Variants in AK7 observed in about 807,000 individuals in gnomAD.
AK7 encodes the protein adenylate kinase 7.
Under a neutral mutation model 96.6 loss-of-function variants are expected in AK7, and 78 were observed. The observed-to-expected ratio is 0.81, with a 90% CI of 0.67 to 0.97. The LOEUF is 0.97. Ranked by LOEUF, AK7 falls within the 50% of genes least tolerant of loss-of-function variation. The pLI, the probability that AK7 is intolerant of heterozygous loss-of-function variation, is 0.00. For missense variants in AK7, 855 were observed against 887.9 expected, an observed-to-expected ratio of 0.96 and a Z score of 0.47; for synonymous variants, 302 against 317.2, an observed-to-expected ratio of 0.95 and a Z score of 0.51.
chr14:96,489,222 A>G lies in AK7; in HGVS notation c.*879A>G, dbSNP rs930219580. On this transcript the variant is annotated 3_prime_UTR_variant, in exon 18 of 18. Coordinates refer to ENST00000267584, the MANE Select transcript of AK7 (RefSeq NM_152327.5). ...GACCACTGTAACCATTTTAAAGTGT[A>G]TAATTCAGTGGCACTAAGTTCATTC... 1 of 152,230 alleles carries G rather than the reference A, an allele frequency of 6.6e-6. No individual in the cohort carries two copies. The highest frequency in any genetic ancestry group is 2.4e-5 in the African/African-American group (1 of 41,458). 9.4% of individuals were successfully genotyped at this position (152,230 alleles called of 1,614,324 possible).
intron 6 of AK7, among the ~76,000 whole-genome samples, chr14:96,439,414 C>T (rs1595414820): frequency 6.6e-6 from 1 of 152,110 alleles, no homozygotes; most frequent in Non-Finnish European, 1.5e-5. Flanking sequence ...CCTGTAATCC[C>T]GGCACTTTGG....
intron 6 of AK7, 38 bp from the exon 7 acceptor site, chr14:96,442,692 A>T: frequency 6.6e-7 from 1 of 1,522,876 alleles, no homozygotes; most frequent in Non-Finnish European, 9.1e-7. Context: ...CCATCCACAT[A>T]TAACTGGGGG....
intron 3 of AK7, among the ~76,000 whole-genome samples, chr14:96,406,530 C>A (rs1309759690): frequency 6.6e-6 from 1 of 152,154 alleles, no homozygotes. Flanking sequence ...GTGTTTGTGT[C>A]TGCAAGAAAA....
chr14:96,455,467 A>T (rs997098265), intron 10 of AK7, among the ~76,000 whole-genome samples: 1 of 152,206 alleles, frequency 6.6e-6, no homozygotes, highest in Non-Finnish European at 1.5e-5. Context: ...CCTGGGCAAC[A>T]GTGGGAGCAC....
intron 5 of AK7, among the ~76,000 whole-genome samples, chr14:96,429,869 C>A (rs1307029222): frequency 1.3e-5 from 2 of 152,150 alleles, no homozygotes; most frequent in Non-Finnish European, 2.9e-5. Context: ...TGGGCTGAGA[C>A]AATGGGGTTT....
intron 12 of AK7, among the ~76,000 whole-genome samples, chr14:96,463,505 G>A (rs1327538118): frequency 6.6e-6 from 1 of 151,724 alleles, no homozygotes; most frequent in Non-Finnish European, 1.5e-5. Context: ...GGATCACGAG[G>A]TCAGGAGATC....
chr14:96,414,215 G>T (rs754955703), intron 4 of AK7, among the ~76,000 whole-genome samples: 3 of 152,198 alleles, frequency 2.0e-5, no homozygotes, highest in Non-Finnish European at 4.4e-5. Context: ...TACCTCTGGG[G>T]CTGTCGTGCA....
Position 96,458,066 on chromosome 14 carries a change from A to G in AK7, c.1228-17A>G. On this transcript the variant is annotated splice_polypyrimidine_tract_variant and intron_variant, in intron 11 of 17. Transcript: ENST00000267584. ...ATGTGGGGCATCATCCAATGTGAAT[A>G]TCCCTGTGGTATGCAGGAGGCGATT... is the stretch of plus-strand genomic sequence containing the variant. 1.2e-6 allele frequency: 2 copies of G among 1,610,714 alleles called. No homozygotes were observed. Among genetic ancestry groups the G allele is most frequent in the East Asian group, 4.5e-5 (2 of 44,820 alleles).
At chr14:96,395,769 C>A (rs1890038886) in intron 1 of AK7, among the ~76,000 whole-genome samples, 1 of 140,794 alleles carries the variant, frequency 7.1e-6, no homozygotes, top group Admixed American at 7.1e-5. Context: ...AGTTTATCTC[C>A]TTCCTTAAAT....
At chr14:96,435,688 A>G (rs1892597874) in intron 5 of AK7, among the ~76,000 whole-genome samples, 1 of 151,976 alleles carries the variant, frequency 6.6e-6, no homozygotes, top group South Asian at 2.1e-4. Flanking sequence ...CTCGGTGGCG[A>G]GGTTTGGAGG....
chr14:96,397,254 A>G (rs7152573), intron 1 of AK7, among the ~76,000 whole-genome samples: 9,353 of 152,040 alleles, frequency 0.062, 382 homozygotes, highest in African/African-American at 0.11. Flanking sequence ...CACAGCATTT[A>G]ATTTTTTTTT....
chr14:96,453,555 T>C (rs774211865), intron 10 of AK7, among the ~76,000 whole-genome samples: 1 of 152,232 alleles, frequency 6.6e-6, no homozygotes, highest in South Asian at 2.1e-4. Context: ...AAGTCATTGC[T>C]GCTTCAGAGA....
intron 17 of AK7, chr14:96,487,903 C>CTTAT (rs1007333092): frequency 7.0e-6 from 2 of 285,506 alleles, no homozygotes; most frequent in South Asian, 3.2e-5. Flanking sequence ...TGTACTTTTA[C>CTTAT]TTATTTATTT....
intron 6 of AK7, among the ~76,000 whole-genome samples, chr14:96,441,215 T>G (rs940334943): frequency 3.3e-5 from 5 of 152,202 alleles, no homozygotes; most frequent in African/African-American, 1.2e-4. Context: ...GGGATGACTT[T>G]GAGTTCTGTC....
intron 1 of AK7, among the ~76,000 whole-genome samples, chr14:96,392,788 G>A (rs906817974): frequency 1.3e-5 from 2 of 151,840 alleles, no homozygotes; most frequent in African/African-American, 4.8e-5. Context: ...CTCAGCCTCC[G>A]AGTAGCTGGG....
At chr14:96,404,169 A>C (rs1027880886) in intron 2 of AK7, among the ~76,000 whole-genome samples, 14 of 151,548 alleles carry the variant, frequency 9.2e-5, no homozygotes, top group South Asian at 2.1e-4. Flanking sequence ...AAAAAAAAAA[A>C]AAAACACCAA....
chr14:96,453,524 C>T (rs560080946), intron 10 of AK7, among the ~76,000 whole-genome samples: 12 of 152,328 alleles, frequency 7.9e-5, no homozygotes, highest in Non-Finnish European at 1.3e-4. Flanking sequence ...CTTGCGTGAT[C>T]GCAGTTCCTT....
Position 96,410,526 on chromosome 14 carries a change from C to G in AK7, c.498+1585C>G, listed in dbSNP as rs190219180. On this transcript the variant is annotated intron_variant, in intron 4 of 17. Transcript: ENST00000267584. The stretch of plus-strand genomic sequence containing the variant: ...TTCTGCTCTGAGTAGACTTCACTCT[C>G]TAGTAAGCCTCCTACACTGAATGGA... 5.6e-4 allele frequency among the ~76,000 whole-genome samples: 86 copies of G among 152,282 alleles called. 1 individual carries two copies. Among genetic ancestry groups the G allele is most frequent in the East Asian group, 1.7e-3 (9 of 5,182 alleles).
intron 4 of AK7, among the ~76,000 whole-genome samples, chr14:96,411,973 CTCTCTGCTTT>C (rs1248934047): frequency 6.6e-6 from 1 of 152,216 alleles, no homozygotes; most frequent in African/African-American, 2.4e-5. Flanking sequence ...TCCTACTTTC[CTCTCTGCTTT>C]TCTCTGCTTC....
Sources: gnomAD v4.1 joint callset for allele counts (sites outside exome capture counted in the v4.1 genomes callset) on GRCh38, gnomAD v4.1.1 for gene constraint, MANE v1.5 for transcripts, NCBI Gene and HGNC (gene_info 2026-07-23, HGNC 2026-07-21) for gene names.